ALPL: variants seen among roughly 807,000 people sequenced by gnomAD.
The protein encoded by ALPL is alkaline phosphatase, biomineralization associated, also known as alkaline phosphatase, tissue-nonspecific isozyme.
Under a neutral mutation model 51.3 loss-of-function variants are expected in ALPL, and 42 were observed. The observed-to-expected ratio is 0.82, with a 90% CI of 0.64 to 1.06. The LOEUF (loss-of-function observed/expected upper bound fraction) is 1.06. Ranked by LOEUF, ALPL falls within the 50% of genes least tolerant of loss-of-function variation. ALPL has a pLI of 0.00. For missense variants in ALPL, 589 were observed against 709.4 expected, an observed-to-expected ratio of 0.83 and a Z score of 1.93; for synonymous variants, 279 against 296.4, an observed-to-expected ratio of 0.94 and a Z score of 0.60.
intron 1 of ALPL, among the ~76,000 whole-genome samples, chr1:21,546,879 G>A (rs1644259829): frequency 6.6e-6 from 1 of 152,234 alleles, no homozygotes; most frequent in African/African-American, 2.4e-5. Flanking sequence ...CATCCCTCTG[G>A]CTGGGGTAAG....
chr1:21,543,544 G>A (rs994890689), intron 1 of ALPL, among the ~76,000 whole-genome samples: 5 of 152,054 alleles, frequency 3.3e-5, no homozygotes, highest in Non-Finnish European at 5.9e-5. Flanking sequence ...CCGAGATCAC[G>A]CCATTGCACT....
At position 21,554,827 on chromosome 1, in the gene ALPL, TTC is replaced by T. The variant is rs1269705294; in HGVS notation, c.61+687_61+688del. On this transcript the variant is annotated intron_variant, in intron 2 of 11. Transcript: ENST00000374840. Reference sequence around the variant, plus strand: ...TGTCTGTCTGTCTGTCTTTCTTTCTTTCTTTCTTTCTTTCTTTCTTTCTTTCT... The same window carrying T: ...TGTCTGTCTGTCTGTCTTTCTTTCTTTTTCTTTCTTTCTTTCTTTCTTTCT... Among the ~76,000 whole-genome samples, 9 of 119,342 alleles carry T rather than the reference TTC, an allele frequency of 7.5e-5. 1 individual carries two copies. The highest frequency in any genetic ancestry group is 1.9e-4 in the African/African-American group (6 of 31,452). The allele number at this position is 119,342 out of a possible 152,430, so 78.3% of individuals were successfully genotyped here. A position where few individuals can be genotyped will look rare whatever the true frequency, so the allele number is the denominator to read the frequency against.
chr1:21,563,267 G>A lies in ALPL; in HGVS notation c.455G>A (p.Arg152His), dbSNP rs149344982. ...TQGNEVTSIL[R>H]WAKDAGKSVG... is the part of the protein sequence containing the mutation. ...GGGAACGAGGTCACCTCCATCCTGC[G>A]CTGGGCCAAGGACGCTGGTGAGTCG... is the stretch of plus-strand genomic sequence containing the variant. The change falls in exon 5 of 12, where the codon CGC (arginine) becomes CAC (histidine). Residue 152 changes from arginine (R) to histidine (H), a missense_variant. By Grantham distance (29) the Arg-to-His change is conservative (BLOSUM62 0). Transcript: ENST00000374840. The A allele has an allele frequency of 0.013, 20,661 of 1,612,314 alleles. 226 individuals carry two copies. Among genetic ancestry groups the A allele is most frequent in the South Asian group, 0.03 (2,753 of 90,988 alleles).
At chr1:21,574,010 GT>G in intron 9 of ALPL, 1 of 985,460 alleles carries the variant, frequency 1.0e-6, no homozygotes, top group Non-Finnish European at 1.2e-6. Flanking sequence ...TGCAAGTTAG[GT>G]TCAGCAATCC....
At chr1:21,558,489 GC>G (rs1644442379) in intron 2 of ALPL, among the ~76,000 whole-genome samples, 2 of 152,374 alleles carry the variant, frequency 1.3e-5, no homozygotes, top group South Asian at 4.1e-4. Context: ...TCTGGCCCCG[GC>G]CTTGCCCAGA....
intron 2 of ALPL, 120 bp from the exon 3 acceptor site, chr1:21,560,506 T>C: frequency 7.4e-7 from 1 of 1,345,052 alleles, no homozygotes; most frequent in South Asian, 1.3e-5. Context: ...TGGGCAACTA[T>C]TGCACCCACC....
rs893293253 is a variant in ALPL at position 21,578,011 on chromosome 1, A to G, written c.*363A>G. 8.8e-6 allele frequency: 3 copies of G among 341,104 alleles called. No homozygotes were observed. The highest frequency in any genetic ancestry group is 8.9e-5 in the Admixed American group (2 of 22,530). The allele number at this position is 341,104 out of a possible 1,614,324, so 21.1% of individuals were successfully genotyped here. A position where few individuals can be genotyped will look rare whatever the true frequency, so the allele number is the denominator to read the frequency against. On this transcript the variant is annotated 3_prime_UTR_variant, in exon 12 of 12. Coordinates refer to ENST00000374840, the MANE Select transcript of ALPL (RefSeq NM_000478.6). The surrounding 1 kb of genome is among the most constrained non-coding windows in gnomAD (Gnocchi z 4.2). ...GCCTCCGTGGAACATTCTGGATCTG[A>G]CCCTCCCAGTCTCATCTCCTGACCC...
chr1:21,518,217 AAG>A (rs1371600284), intron 1 of ALPL, among the ~76,000 whole-genome samples: 2 of 152,062 alleles, frequency 1.3e-5, no homozygotes, highest in African/African-American at 4.8e-5. Flanking sequence ...AGTGACGAGA[AAG>A]AGGCTGGTTT....
chr1:21,513,556 T>A (rs1343505359), intron 1 of ALPL, among the ~76,000 whole-genome samples: 2 of 151,952 alleles, frequency 1.3e-5, no homozygotes, highest in African/African-American at 4.8e-5. Flanking sequence ...GGAGTAGGAG[T>A]GGAGAGATGA....
intron 1 of ALPL, among the ~76,000 whole-genome samples, chr1:21,524,933 G>A (rs757667220): frequency 3.2e-4 from 49 of 152,250 alleles, no homozygotes; most frequent in Admixed American, 4.6e-4. Flanking sequence ...CAATTAGCCT[G>A]GCTGAGGCCT....
At chr1:21,537,993 G>A (rs545673233) in intron 1 of ALPL, among the ~76,000 whole-genome samples, 2 of 152,300 alleles carry the variant, frequency 1.3e-5, no homozygotes, top group South Asian at 4.1e-4. Context: ...GAGCAATGAG[G>A]GCGTTGGTGT....
In ALPL at chr1:21,577,716, C is replaced by T; in HGVS notation, c.*68C>T. 6 of 1,540,644 alleles carry T rather than the reference C, an allele frequency of 3.9e-6. No individual in the cohort carries two copies. The highest frequency in any genetic ancestry group is 5.2e-6 in the Non-Finnish European group (6 of 1,148,560). On this transcript the variant is annotated 3_prime_UTR_variant, in exon 12 of 12. Coordinates refer to ENST00000374840, the MANE Select transcript of ALPL (RefSeq NM_000478.6). ...ACTTCCCACACGGCAGCCCCCCCCT[C>T]AAGGGGCAGGGAGGTGGGGGCCTCC...
chr1:21,520,476 T>TTC (rs1421049171), intron 1 of ALPL, among the ~76,000 whole-genome samples: 2 of 147,030 alleles, frequency 1.4e-5, no homozygotes, highest in East Asian at 4.0e-4. Flanking sequence ...CTTTTTTTTT[T>TTC]TTTTTTTTTG....
intron 1 of ALPL, among the ~76,000 whole-genome samples, chr1:21,521,032 T>C (rs946739164): frequency 1.3e-5 from 2 of 152,228 alleles, no homozygotes; most frequent in African/African-American, 4.8e-5. Context: ...ATGGCTGTTT[T>C]TCTAGAGCTT....
chr1:21,534,941 C>T (rs1195844557), intron 1 of ALPL, among the ~76,000 whole-genome samples: 1 of 152,176 alleles, frequency 6.6e-6, no homozygotes, highest in Non-Finnish European at 1.5e-5. Context: ...TGTCCTCCTC[C>T]CTGCCTTCTT....
rs200153944 is a variant in ALPL at position 21,575,851 on chromosome 1, G to C, written c.1116G>C (p.Leu372=). The C allele has an allele frequency of 2.5e-6, 4 of 1,614,242 alleles. No individual in the cohort carries two copies. The highest frequency in any genetic ancestry group is 3.4e-6 in the Non-Finnish European group (4 of 1,180,048). The part of the protein sequence containing the change: ...AGSLTSSEDT[L]TVVTADHSHV... ...GCTTGACCTCCTCGGAAGACACTCT[G>C]ACCGTGGTCACTGCGGACCATTCCC... Residue 372 remains leucine, a synonymous_variant, in exon 10 of 12, where the codon CTG becomes CTC. Transcript: ENST00000374840.
At chr1:21,510,527 C>G (rs1445600038) in intron 1 of ALPL, among the ~76,000 whole-genome samples, 2 of 152,062 alleles carry the variant, frequency 1.3e-5, no homozygotes, top group Non-Finnish European at 2.9e-5. Flanking sequence ...GAAGGCCTAC[C>G]GTGCGTAGAG....
intron 1 of ALPL, among the ~76,000 whole-genome samples, chr1:21,526,802 T>G (rs929591634): frequency 1.3e-5 from 2 of 152,210 alleles, no homozygotes; most frequent in Non-Finnish European, 2.9e-5. Flanking sequence ...CAATTTGTTC[T>G]GCTTTTTCTG....
intron 2 of ALPL, among the ~76,000 whole-genome samples, chr1:21,556,574 C>G (rs901699996): frequency 2.6e-5 from 4 of 151,380 alleles, no homozygotes; most frequent in African/African-American, 9.7e-5. Flanking sequence ...CCCAGGATTT[C>G]AAGATTACGG....
Sources: gnomAD v4.1 joint callset for allele counts (sites outside exome capture counted in the v4.1 genomes callset) on GRCh38, gnomAD v4.1.1 for gene constraint, Gnocchi (gnomAD v3.1) non-coding constraint, MANE v1.5 for transcripts, NCBI Gene and HGNC (gene_info 2026-07-23, HGNC 2026-07-21) for gene names.